The following SYNPO variants were observed in gnomAD, a reference collection of about 807,000 sequenced individuals.
SYNPO encodes the protein synaptopodin.
SYNPO carries 19 observed loss-of-function variants against 49.5 expected under a neutral mutation model. That is an observed-to-expected ratio of 0.38 (90% confidence interval 0.27 to 0.56). SYNPO has a LOEUF of 0.56. Ranked by LOEUF, SYNPO falls within the 20% of genes least tolerant of loss-of-function variation. The pLI is 0.68. For synonymous variants in SYNPO, 536 were observed against 548.0 expected (o/e 0.98, Z 0.31); for missense variants, 1,131 against 1,248.3 (o/e 0.91, Z 1.42).
At chr5:150,602,056 G>T (rs1756558184) in intron 1 of SYNPO, among the ~76,000 whole-genome samples, 2 of 152,218 alleles carry the variant, frequency 1.3e-5, no homozygotes, top group South Asian at 4.1e-4. Flanking sequence ...GACAGTGGTG[G>T]GCCATCCAGA....
chr5:150,656,950 G>T lies in SYNPO; in HGVS notation c.2575G>T (p.Asp859Tyr), dbSNP rs1478271028. 1 of 1,585,484 alleles carries T rather than the reference G, an allele frequency of 6.3e-7. No individual in the cohort carries two copies. ...FLYRRSPTDS[D>Y]VSLDSEDSGA... is the part of the protein sequence containing the mutation. ...CTACCGCCGCTCGCCCACGGACTCC[G>T]ACGTGTCCCTCGACTCCGAGGACTC... The change falls in exon 3 of 3, where the codon GAC (aspartate) becomes TAC (tyrosine). Residue 859 changes from aspartate (D) to tyrosine (Y), a missense_variant. Asp to Tyr is a radical substitution (Grantham distance 160). This residue lies in a region of SYNPO where 509 missense variants were observed against 484.5 expected (regional missense o/e 1.05). Coordinates refer to ENST00000307662, the MANE Select transcript of SYNPO (RefSeq NM_007286.6).
At chr5:150,635,694 C>T (rs1757692746), upstream of SYNPO, among the ~76,000 whole-genome samples, 1 of 152,200 alleles carries the variant, frequency 6.6e-6, no homozygotes, top group Non-Finnish European at 1.5e-5. Flanking sequence ...AACTCCTGAC[C>T]TCAAGTGATC....
intron 2 of SYNPO, among the ~76,000 whole-genome samples, chr5:150,634,134 C>A (rs1248400913): frequency 1.3e-5 from 2 of 152,148 alleles, no homozygotes; most frequent in African/African-American, 4.8e-5. Flanking sequence ...GGTTCCCAAC[C>A]TGGCTGTACA....
chr5:150,607,752 A>G (rs1337043099), intron 1 of SYNPO, among the ~76,000 whole-genome samples: 4 of 151,070 alleles, frequency 2.6e-5, no homozygotes, highest in Middle Eastern at 3.4e-3. Context: ...GTAATATTAC[A>G]TTATCTAGCA....
chr5:150,603,174 C>T (rs1756596904), intron 1 of SYNPO, among the ~76,000 whole-genome samples: 1 of 152,214 alleles, frequency 6.6e-6, no homozygotes, highest in Non-Finnish European at 1.5e-5. Context: ...GAGATTGTCC[C>T]CTGACTGACA....
the SYNPO span, among the ~76,000 whole-genome samples, chr5:150,595,138 A>G: frequency 1.3e-5 from 2 of 152,198 alleles, no homozygotes; most frequent in African/African-American, 4.8e-5. Context: ...TCTGAGCTGC[A>G]CAGACTCTGG....
intron 2 of SYNPO, among the ~76,000 whole-genome samples, chr5:150,655,043 T>A (rs1758509936): frequency 6.6e-6 from 1 of 152,194 alleles, no homozygotes; most frequent in African/African-American, 2.4e-5. Flanking sequence ...GAGAATCACT[T>A]GAACCCAGGA....
At position 150,649,917 on chromosome 5, in the gene SYNPO, T is replaced by C; in HGVS notation, c.1642T>C (p.Tyr548His). The C allele has an allele frequency of 6.2e-7, 1 of 1,611,988 alleles. No individual in the cohort carries two copies. The highest frequency in any genetic ancestry group is 8.5e-7 in the Non-Finnish European group (1 of 1,179,988). The change falls in exon 2 of 3, where the codon TAC becomes CAC. Residue 548 changes from tyrosine to histidine, a missense_variant. Tyr to His is a moderately conservative substitution (Grantham distance 83). Transcript: ENST00000307662. Reference sequence around the variant, plus strand: ...CCCGCCTGCCTCCCTCTACCATGGCTACCTGCCTGAGAACGGGGTCCTGCG... The same window carrying C: ...CCCGCCTGCCTCCCTCTACCATGGCCACCTGCCTGAGAACGGGGTCCTGCG... ...RTPPASLYHG[Y>H]LPENGVLRPE...
chr5:150,591,994 C>G, the SYNPO span, among the ~76,000 whole-genome samples: 1 of 152,220 alleles, frequency 6.6e-6, no homozygotes, highest in Non-Finnish European at 1.5e-5. Context: ...GGAGAAACCC[C>G]GTCTCTACTA....
Position 150,648,215 on chromosome 5 carries a change from G to T in SYNPO, c.-61G>T. The T allele has an allele frequency of 6.2e-7, 1 of 1,607,384 alleles. No individual in the cohort carries two copies. Among genetic ancestry groups the T allele is most frequent in the Admixed American group, 1.7e-5 (1 of 58,536 alleles). On this transcript the variant is annotated 5_prime_UTR_variant, in exon 2 of 3. Coordinates refer to ENST00000307662, the MANE Select transcript of SYNPO (RefSeq NM_007286.6). The surrounding 1 kb of genome is among the most constrained non-coding windows in gnomAD (Gnocchi z 5.0). ...GCCTGAGTTCCACCTCGCTGCCGGA[G>T]CCAGGCCCTCCACGGCACCCCAGTC...
rs1581518934 is a variant in SYNPO at position 150,652,112 on chromosome 5, C to A, written c.2028+1809C>A. 7 of 1,001,124 alleles carry A rather than the reference C, an allele frequency of 7.0e-6. 1 individual carries two copies. In the Admixed American group the frequency reaches 4.3e-4, roughly 61 times the overall value. The allele number at this position is 1,001,124 out of a possible 1,614,324, so 62.0% of individuals were successfully genotyped here. On this transcript the variant is annotated intron_variant, in intron 2 of 2. Coordinates refer to ENST00000307662, the MANE Select transcript of SYNPO (RefSeq NM_007286.6). Reference sequence around the variant, plus strand: ...GTGCCTTCTTAGTGAGCTCATTTCACACAGATCGAGGGGGTATGCGTGGGG... The same window carrying A: ...GTGCCTTCTTAGTGAGCTCATTTCAAACAGATCGAGGGGGTATGCGTGGGG...
upstream of SYNPO, among the ~76,000 whole-genome samples, chr5:150,636,934 G>T (rs1279886641): frequency 5.3e-5 from 8 of 152,178 alleles, no homozygotes; most frequent in African/African-American, 1.7e-4. Flanking sequence ...TTACGCAGAG[G>T]TGGGTGTGTG....
At chr5:150,603,228 A>G (rs948141646) in intron 1 of SYNPO, among the ~76,000 whole-genome samples, 2 of 152,268 alleles carry the variant, frequency 1.3e-5, no homozygotes, top group Non-Finnish European at 2.9e-5. Context: ...TTGAATCACC[A>G]GGATGGGTGG....
At chr5:150,598,065 G>A (rs987224751), upstream of SYNPO, among the ~76,000 whole-genome samples, 4 of 152,098 alleles carry the variant, frequency 2.6e-5, no homozygotes, top group Admixed American at 2.6e-4. Context: ...TCAGTAGTGG[G>A]ATCTTGCCTG....
chr5:150,648,178 C>T lies in SYNPO; in HGVS notation c.-98C>T. The T allele has an allele frequency of 1.3e-6, 2 of 1,569,794 alleles. No individual in the cohort carries two copies. Among genetic ancestry groups the T allele is most frequent in the Non-Finnish European group, 1.7e-6 (2 of 1,156,970 alleles). On this transcript the variant is annotated 5_prime_UTR_variant, in exon 2 of 3. Coordinates refer to ENST00000307662, the MANE Select transcript of SYNPO (RefSeq NM_007286.6). The surrounding 1 kb of genome is among the most constrained non-coding windows in gnomAD (Gnocchi z 5.0). ...CTCCCTTCAAGCCTCCCAGGCCATGCACCGGGGCTCAGCCTGAGTTCCACC... is the reference window on the plus strand; with the variant it reads ...CTCCCTTCAAGCCTCCCAGGCCATGTACCGGGGCTCAGCCTGAGTTCCACC...
chr5:150,640,053 T>C, upstream of SYNPO: 3 of 825,294 alleles, frequency 3.6e-6, no homozygotes, highest in Non-Finnish European at 4.4e-6. Context: ...TCTTCTCTAA[T>C]ATGGAGATGA....
the SYNPO span, among the ~76,000 whole-genome samples, chr5:150,586,819 G>A: frequency 2.0e-5 from 3 of 152,182 alleles, no homozygotes; most frequent in Admixed American, 6.5e-5. Context: ...GATGTGGATG[G>A]GTAGATGTAT....
At position 150,620,225 on chromosome 5, in the gene SYNPO, T is replaced by C. The variant is rs75698838; in HGVS notation, c.400+1458T>C. 3.9e-3 allele frequency among the ~76,000 whole-genome samples: 600 copies of C among 152,334 alleles called. 2 individuals carry two copies. The highest frequency in any genetic ancestry group is 0.014 in the African/African-American group (566 of 41,560). On this transcript the variant is annotated intron_variant, in intron 2 of 2. Transcript: ENST00000394243. ...TGTTAGGAGGTTGCAATGATCTTAG[T>C]TGTGGCAGTGTTTTGGAAATTTTAG...
At chr5:150,613,881 C>T (rs1399323996) in intron 1 of SYNPO, among the ~76,000 whole-genome samples, 2 of 152,172 alleles carry the variant, frequency 1.3e-5, no homozygotes, top group East Asian at 3.8e-4. Context: ...TGCTCAGCAC[C>T]CCTCACTCCC....
Sources: gnomAD v4.1 joint callset for allele counts (sites outside exome capture counted in the v4.1 genomes callset) on GRCh38, gnomAD v4.1.1 for gene constraint, gnomAD v4.1.1 regional missense constraint, Gnocchi (gnomAD v3.1) non-coding constraint, MANE v1.5 for transcripts, NCBI Gene and HGNC (gene_info 2026-07-23, HGNC 2026-07-21) for gene names.